AKAP11: variants seen among roughly 807,000 people sequenced by gnomAD.
AKAP11 encodes A-kinase anchor protein 11.
In AKAP11, 36 loss-of-function variants were observed where a neutral mutation model predicts 146.1. The observed-to-expected ratio is 0.25, with a 90% CI of 0.19 to 0.33. AKAP11 has a LOEUF of 0.33. AKAP11 is among the 10% of genes least tolerant of loss of function. The pLI is 1.00. For missense variants in AKAP11, 2,201 were observed against 2,197.0 expected (o/e 1.00, Z -0.04); for synonymous variants, 780 against 786.5 (o/e 0.99, Z 0.14).
chr13:42,304,532 A>G (rs1209770429), intron 8 of AKAP11, among the ~76,000 whole-genome samples: 1 of 152,226 alleles, frequency 6.6e-6, no homozygotes, highest in African/African-American at 2.4e-5. Context: ...ATATTACTAT[A>G]TTAATTTACT....
rs1960105248 is a variant in AKAP11 at position 42,303,787 on chromosome 13, G to A, written c.5041G>A (p.Gly1681Ser). ...AGCCGACAGTGGGATCGGACAGGAG[G>A]GTGCCAGCTTTGCTGAAAGCCTTGC... ...LAADSGIGQE[G>S]ASFAESLATE... is the part of the protein sequence containing the mutation. The change falls in exon 8 of 13, where the codon GGT becomes AGT. Residue 1681 changes from glycine (G) to serine (S), a missense_variant. Gly to Ser is a moderately conservative substitution (Grantham distance 56). Transcript: ENST00000025301. 3.7e-6 allele frequency: 6 copies of A among 1,612,198 alleles called. No homozygotes were observed. The highest frequency in any genetic ancestry group is 4.2e-6 in the Non-Finnish European group (5 of 1,179,060).
At position 42,302,448 on chromosome 13, in the gene AKAP11, T is replaced by C; in HGVS notation, c.3702T>C (p.Asn1234=). 2 of 1,614,190 alleles carry C rather than the reference T, an allele frequency of 1.2e-6. No individual in the cohort carries two copies. The highest frequency in any genetic ancestry group is 1.1e-5 in the South Asian group (1 of 91,084). The change falls in exon 8 of 13, where the codon AAT becomes AAC. Residue 1234 remains asparagine, a synonymous_variant. Coordinates refer to ENST00000025301, the MANE Select transcript of AKAP11 (RefSeq NM_016248.4). ...QEPKVKNPCL[N]VQSQRSVSPT... The stretch of plus-strand genomic sequence containing the variant: ...CCAAGGTTAAAAACCCTTGCTTAAA[T>C]GTGCAAAGTCAAAGAAGTGTGTCGC...
intron 4 of AKAP11, 152 bp downstream of exon 4, chr13:42,292,653 G>A: frequency 4.7e-6 from 2 of 427,190 alleles, no homozygotes; most frequent in African/African-American, 2.0e-5. Context: ...GCGGGAGAGG[G>A]GAAAAAAAAG....
In AKAP11 at chr13:42,299,467, C is replaced by G; in HGVS notation, c.721C>G (p.Gln241Glu). 6.2e-7 allele frequency: 1 copy of G among 1,613,904 alleles called. No homozygotes were observed. Among genetic ancestry groups the G allele is most frequent in the Non-Finnish European group, 8.5e-7 (1 of 1,179,830 alleles). The change falls in exon 8 of 13, where the codon CAG becomes GAG. Residue 241 changes from glutamine to glutamate, a missense_variant. By Grantham distance (29) the Gln-to-Glu change is conservative. Around this residue, in one of 3 missense-constraint regions of AKAP11, gnomAD observed 331 missense variants for 347.4 expected, o/e 0.95. Coordinates refer to ENST00000025301, the MANE Select transcript of AKAP11 (RefSeq NM_016248.4). Reference sequence around the variant, plus strand: ...TTTAAAGATTCTCATTAGCTCTGGACAGCAGAAGTCATTGGCTAAACCCTC... The same window carrying G: ...TTTAAAGATTCTCATTAGCTCTGGAGAGCAGAAGTCATTGGCTAAACCCTC... The part of the protein sequence containing the change: ...HDLKILISSG[Q>E]QKSLAKPSTS...
intron 1 of AKAP11, among the ~76,000 whole-genome samples, chr13:42,283,846 C>T (rs1406847448): frequency 6.6e-6 from 1 of 152,156 alleles, no homozygotes; most frequent in Non-Finnish European, 1.5e-5. Flanking sequence ...TTCCTTTGTC[C>T]TGCAGTATTG....
chr13:42,291,835 A>G (rs1245025644), intron 3 of AKAP11, among the ~76,000 whole-genome samples: 1 of 152,228 alleles, frequency 6.6e-6, no homozygotes, highest in East Asian at 1.9e-4. Flanking sequence ...TACTTGTGAC[A>G]AACATCTCAC....
At position 42,284,644 on chromosome 13, in the gene AKAP11, CA is replaced by C. The variant is rs140316997; in HGVS notation, c.-99-1339del. ...TCTTTTGCCTGTGTTTTATAGTTTTCAAAGTACCTCCCATAAATTATTTTTC... is the reference window on the plus strand; with the variant it reads ...TCTTTTGCCTGTGTTTTATAGTTTTCAAGTACCTCCCATAAATTATTTTTC... On this transcript the variant is annotated intron_variant, in intron 1 of 12. Coordinates refer to ENST00000025301, the MANE Select transcript of AKAP11 (RefSeq NM_016248.4). Among the ~76,000 whole-genome samples the C allele has an allele frequency of 9.1e-3, 1,379 of 152,272 alleles. 16 individuals are homozygous for C. The highest frequency in any genetic ancestry group is 0.031 in the African/African-American group (1,292 of 41,526).
In AKAP11 at chr13:42,321,628, G is replaced by A. The variant is rs1184093064; in HGVS notation, c.*2400G>A. On this transcript the variant is annotated 3_prime_UTR_variant, in exon 13 of 13. Coordinates refer to ENST00000025301, the MANE Select transcript of AKAP11 (RefSeq NM_016248.4). ...TTAGAGTATTATCTTTTAATTAAGT[G>A]TAGTCTAAACTTAACTTTCTGTAAA... is the stretch of plus-strand genomic sequence containing the variant. 1 of 152,292 alleles carries A rather than the reference G, an allele frequency of 6.6e-6. No homozygotes were observed. The highest frequency in any genetic ancestry group is 2.4e-5 in the African/African-American group (1 of 41,452). The allele number at this position is 152,292 out of a possible 1,614,324, so 9.4% of individuals were successfully genotyped here. A position where few individuals can be genotyped will look rare whatever the true frequency, so the allele number is the denominator to read the frequency against.
At chr13:42,280,051 C>T (rs1466300091) in intron 1 of AKAP11, among the ~76,000 whole-genome samples, 1 of 152,202 alleles carries the variant, frequency 6.6e-6, no homozygotes, top group East Asian at 1.9e-4. Flanking sequence ...AGGGCTCTCA[C>T]TTACTTTCAG....
At position 42,303,675 on chromosome 13, in the gene AKAP11, T is replaced by C; in HGVS notation, c.4929T>C (p.Asn1643=). ...FHLSVPQIHV[N]LDKKAVLAEK... Reference sequence around the variant, plus strand: ...TCAGTGTCCCTCAGATTCATGTTAATCTTGATAAGAAGGCAGTGCTTGCTG... The same window carrying C: ...TCAGTGTCCCTCAGATTCATGTTAACCTTGATAAGAAGGCAGTGCTTGCTG... Residue 1643 remains asparagine, a synonymous_variant, in exon 8 of 13, where the codon AAT becomes AAC. Transcript: ENST00000025301. 1.2e-6 allele frequency: 2 copies of C among 1,614,164 alleles called. No individual in the cohort carries two copies. Among genetic ancestry groups the C allele is most frequent in the African/African-American group, 1.3e-5 (1 of 75,040 alleles).
At chr13:42,290,511 C>T (rs955772050) in intron 3 of AKAP11, among the ~76,000 whole-genome samples, 1 of 152,192 alleles carries the variant, frequency 6.6e-6, no homozygotes, top group Non-Finnish European at 1.5e-5. Context: ...ATTTAGGATA[C>T]ATGGATAATC....
chr13:42,296,601 A>G (rs961042398), intron 5 of AKAP11, among the ~76,000 whole-genome samples: 1 of 152,072 alleles, frequency 6.6e-6, no homozygotes, highest in African/African-American at 2.4e-5. Flanking sequence ...GTCTAATACA[A>G]TACCTTGGAG....
rs767035591 is a variant in AKAP11, at chr13:42,301,878, A to G, written c.3132A>G (p.Pro1044=). The G allele has an allele frequency of 6.2e-7, 1 of 1,614,164 alleles. No homozygotes were observed. Among genetic ancestry groups the G allele is most frequent in the Non-Finnish European group, 8.5e-7 (1 of 1,179,996 alleles). The change falls in exon 8 of 13, where the codon CCA becomes CCG. Residue 1044 remains proline (P), a synonymous_variant. Transcript: ENST00000025301. ...SDLKESAKDQ[P]LKKHNLNSTS... Reference sequence around the variant, plus strand: ...TGAAGGAATCTGCTAAGGATCAACCACTGAAAAAGCATAACTTGAATAGTA... The same window carrying G: ...TGAAGGAATCTGCTAAGGATCAACCGCTGAAAAAGCATAACTTGAATAGTA...
chr13:42,291,367 C>T (rs1959210732), intron 3 of AKAP11, among the ~76,000 whole-genome samples: 1 of 152,168 alleles, frequency 6.6e-6, no homozygotes, highest in African/African-American at 2.4e-5. Flanking sequence ...ATTCTTCTGC[C>T]TCAGCCTTCC....
At chr13:42,294,657 T>C (rs990870221) in intron 4 of AKAP11, among the ~76,000 whole-genome samples, 1 of 152,082 alleles carries the variant, frequency 6.6e-6, no homozygotes, top group Admixed American at 6.5e-5. Context: ...CACCTCAGCC[T>C]CCCAAAGTGC....
Position 42,320,753 on chromosome 13 carries a change from A to C in AKAP11, c.*1525A>C, listed in dbSNP as rs1238386761. On this transcript the variant is annotated 3_prime_UTR_variant, in exon 13 of 13. Transcript: ENST00000025301. Reference sequence around the variant, plus strand: ...GAAAGCTGCACAAAACGTAGAAAGAAGACATAGCGCCTGCCAGGGAATAGG... The same window carrying C: ...GAAAGCTGCACAAAACGTAGAAAGACGACATAGCGCCTGCCAGGGAATAGG... 6.6e-6 allele frequency: 1 copy of C among 152,304 alleles called. No homozygotes were observed. Among genetic ancestry groups the C allele is most frequent in the Non-Finnish European group, 1.5e-5 (1 of 68,046 alleles). The allele number at this position is 152,304 out of a possible 1,614,324, so 9.4% of individuals were successfully genotyped here.
intron 6 of AKAP11, among the ~76,000 whole-genome samples, chr13:42,297,450 ATTAT>A (rs1394547744): frequency 1.3e-5 from 2 of 151,922 alleles, no homozygotes; most frequent in African/African-American, 4.8e-5. Context: ...CTGAAAATTT[ATTAT>A]TTCTGGATTT....
chr13:42,300,838 A>G lies in AKAP11; in HGVS notation c.2092A>G (p.Ile698Val), dbSNP rs1170134402. The change falls in exon 8 of 13, where the codon ATA (isoleucine) becomes GTA (valine). Residue 698 changes from isoleucine to valine, a missense_variant. Around this residue, in one of 3 missense-constraint regions of AKAP11, gnomAD observed 1,867 missense variants for 1,833.5 expected, o/e 1.02. Transcript: ENST00000025301. Reference protein sequence around the residue: ...LYAKDLSESVIQEAFIELSQV... With the variant: ...LYAKDLSESVVQEAFIELSQV... Reference sequence around the variant, plus strand: ...TGCAAAAGATTTGTCTGAATCTGTAATACAGGAAGCATTCATTGAGCTATC... The same window carrying G: ...TGCAAAAGATTTGTCTGAATCTGTAGTACAGGAAGCATTCATTGAGCTATC... The G allele has an allele frequency of 1.9e-6, 3 of 1,614,158 alleles. No homozygotes were observed. The highest frequency in any genetic ancestry group is 2.2e-5 in the South Asian group (2 of 91,084).
At chr13:42,310,620 A>C (rs771202560) in intron 9 of AKAP11, among the ~76,000 whole-genome samples, 1 of 148,146 alleles carries the variant, frequency 6.8e-6, no homozygotes, top group Admixed American at 6.7e-5. Flanking sequence ...TGGGAAGCCA[A>C]TGGGGGTGGG....
Sources: gnomAD v4.1 joint callset for allele counts (sites outside exome capture counted in the v4.1 genomes callset) on GRCh38, gnomAD v4.1.1 for gene constraint, gnomAD v4.1.1 regional missense constraint, MANE v1.5 for transcripts, NCBI Gene and HGNC (gene_info 2026-07-23, HGNC 2026-07-21) for gene names.